Variants in GRIN2A observed in about 807,000 individuals in gnomAD.
GRIN2A encodes the protein glutamate ionotropic receptor NMDA type subunit 2A, also known as glutamate receptor ionotropic, NMDA 2A.
Under a neutral mutation model 113.4 loss-of-function variants are expected in GRIN2A, and 22 were observed. That is an observed-to-expected ratio of 0.19 (90% CI 0.14 to 0.28). The LOEUF (loss-of-function observed/expected upper bound fraction) is 0.28. Ranked by LOEUF, GRIN2A falls within the 10% of genes least tolerant of loss-of-function variation. GRIN2A has a pLI of 1.00. For missense variants in GRIN2A, 1,502 were observed against 1,887.0 expected (o/e 0.80, Z 3.78); for synonymous variants, 827 against 738.4 (o/e 1.12, Z -1.94).
At position 9,763,463 on chromosome 16, in the gene GRIN2A, G is replaced by T. The variant is rs797045606; in HGVS notation, c.4081C>A (p.His1361Asn). ...SKRSKSLLPD[H>N]TSDNPFLHSH... The stretch of plus-strand genomic sequence containing the variant: ...TGGAGGAAAGGGTTATCGGAGGTGT[G>T]GTCTGGCAAGAGAGACTTGCTCCTC... Residue 1361 changes from histidine (H) to asparagine (N), a missense_variant, in exon 13 of 13, where the codon CAC becomes AAC. Physicochemically the swap from His to Asn is moderately conservative, Grantham distance 68 (BLOSUM62 1). Coordinates refer to ENST00000330684, the MANE Select transcript of GRIN2A (RefSeq NM_001134407.3). 6.2e-7 allele frequency: 1 copy of T among 1,613,940 alleles called. No homozygotes were observed. Among genetic ancestry groups the T allele is most frequent in the East Asian group, 2.2e-5 (1 of 44,860 alleles).
At chr16:10,073,778 C>G (rs1360530120) in intron 2 of GRIN2A, among the ~76,000 whole-genome samples, 2 of 150,976 alleles carry the variant, frequency 1.3e-5, no homozygotes, top group African/African-American at 4.9e-5. Context: ...AGCCGGGCAA[C>G]AGTAGCACGT....
At chr16:9,802,974 T>C (rs1903456729) in intron 10 of GRIN2A, among the ~76,000 whole-genome samples, 1 of 152,080 alleles carries the variant, frequency 6.6e-6, no homozygotes, top group African/African-American at 2.4e-5. Flanking sequence ...AGTCTACTTT[T>C]GATCCGTTTT....
At chr16:10,108,122 A>G (rs539004725) in intron 2 of GRIN2A, among the ~76,000 whole-genome samples, 1 of 152,232 alleles carries the variant, frequency 6.6e-6, no homozygotes, top group Non-Finnish European at 1.5e-5. Context: ...CATGCTGCTG[A>G]TAAAGACATA....
At chr16:9,949,048 T>C (rs2045099880) in intron 2 of GRIN2A, among the ~76,000 whole-genome samples, 1 of 152,148 alleles carries the variant, frequency 6.6e-6, no homozygotes, top group Non-Finnish European at 1.5e-5. Flanking sequence ...AGGGGACTAA[T>C]GTGGGAGCTC....
chr16:9,925,997 T>G (rs1354329223), intron 3 of GRIN2A, among the ~76,000 whole-genome samples: 1 of 152,224 alleles, frequency 6.6e-6, no homozygotes, highest in Non-Finnish European at 1.5e-5. Flanking sequence ...TAATACGGGT[T>G]CCATCCGGCT....
intron 3 of GRIN2A, among the ~76,000 whole-genome samples, chr16:9,897,374 C>T (rs959475472): frequency 5.3e-5 from 8 of 151,980 alleles, no homozygotes; most frequent in Non-Finnish European, 1.5e-5. Flanking sequence ...TCAGAGATAA[C>T]ATTGAAAAAT....
intron 2 of GRIN2A, among the ~76,000 whole-genome samples, chr16:10,059,733 AAAAAC>A (rs2047518955): frequency 6.6e-6 from 1 of 151,756 alleles, no homozygotes; most frequent in African/African-American, 2.4e-5. Flanking sequence ...AAAAAAAAAA[AAAAAC>A]AAACAAGATT....
chr16:9,830,051 T>G (rs1316001590), intron 8 of GRIN2A, among the ~76,000 whole-genome samples: 1 of 152,210 alleles, frequency 6.6e-6, no homozygotes, highest in African/African-American at 2.4e-5. Flanking sequence ...ATTCATCGGA[T>G]GTGCTATCGT....
At chr16:9,888,892 G>A (rs1413141911) in intron 4 of GRIN2A, among the ~76,000 whole-genome samples, 1 of 151,770 alleles carries the variant, frequency 6.6e-6, no homozygotes, top group Admixed American at 6.6e-5. Flanking sequence ...CTGTTAATGT[G>A]GTAAATTAAT....
chr16:10,063,265 T>C (rs2047584701), intron 2 of GRIN2A, among the ~76,000 whole-genome samples: 1 of 152,208 alleles, frequency 6.6e-6, no homozygotes, highest in African/African-American at 2.4e-5. Flanking sequence ...TTGTGAACTA[T>C]GCTCACTACT....
At chr16:9,839,031 C>T (rs2042628011) in intron 7 of GRIN2A, among the ~76,000 whole-genome samples, 1 of 152,200 alleles carries the variant, frequency 6.6e-6, no homozygotes, top group African/African-American at 2.4e-5. Context: ...CCAAAAATCA[C>T]TTGTACCCCT....
At chr16:9,837,653 G>A (rs1365254780) in intron 7 of GRIN2A, among the ~76,000 whole-genome samples, 1 of 152,120 alleles carries the variant, frequency 6.6e-6, no homozygotes, top group Admixed American at 6.6e-5. Flanking sequence ...TCCTGCCAAA[G>A]AGTCTGAAAG....
chr16:9,971,032 C>T (rs2045659845), intron 2 of GRIN2A, among the ~76,000 whole-genome samples: 1 of 152,016 alleles, frequency 6.6e-6, no homozygotes, highest in Non-Finnish European at 1.5e-5. Context: ...GGCTAGAAGG[C>T]TATTTCAGGA....
intron 3 of GRIN2A, among the ~76,000 whole-genome samples, chr16:9,920,776 G>A (rs1378475822): frequency 6.6e-6 from 1 of 152,072 alleles, no homozygotes; most frequent in African/African-American, 2.4e-5. Context: ...ATGTTGGCCA[G>A]AAAGCTGACC....
intron 2 of GRIN2A, among the ~76,000 whole-genome samples, chr16:9,941,456 G>C (rs2044873286): frequency 6.6e-6 from 1 of 152,246 alleles, no homozygotes; most frequent in Non-Finnish European, 1.5e-5. Context: ...CCCAGAGCCA[G>C]CTCGGCACAG....
intron 2 of GRIN2A, among the ~76,000 whole-genome samples, chr16:10,166,577 T>G (rs1267636500): frequency 6.6e-6 from 1 of 152,206 alleles, no homozygotes; most frequent in Non-Finnish European, 1.5e-5. Context: ...TGCATTCCCA[T>G]GGTCCCGTGA....
Position 9,924,392 on chromosome 16 carries a change from C to T in GRIN2A, c.1007+13567G>A, listed in dbSNP as rs145574591. On this transcript the variant is annotated intron_variant, in intron 3 of 12. Transcript: ENST00000330684. The stretch of plus-strand genomic sequence containing the variant: ...ATTGTTTTCTTTCAGTACAAAATAT[C>T]TTTCTGCATTCTTTTCTAACCTGTA... 3.2e-3 allele frequency among the ~76,000 whole-genome samples: 485 copies of T among 152,260 alleles called. 4 individuals carry two copies. The highest frequency in any genetic ancestry group is 0.011 in the African/African-American group (460 of 41,560).
chr16:10,156,513 C>T (rs1398226185), intron 2 of GRIN2A, among the ~76,000 whole-genome samples: 1 of 152,136 alleles, frequency 6.6e-6, no homozygotes, highest in Admixed American at 6.5e-5. Context: ...TTTCAACCCA[C>T]GTATACTGGG....
intron 2 of GRIN2A, among the ~76,000 whole-genome samples, chr16:9,997,862 G>A (rs925074666): frequency 1.3e-5 from 2 of 152,158 alleles, no homozygotes; most frequent in East Asian, 1.9e-4. Flanking sequence ...TGTAAGACAT[G>A]CCTTTGTTCC....
Sources: gnomAD v4.1 joint callset for allele counts (sites outside exome capture counted in the v4.1 genomes callset) on GRCh38, gnomAD v4.1.1 for gene constraint, MANE v1.5 for transcripts, NCBI Gene and HGNC (gene_info 2026-07-23, HGNC 2026-07-21) for gene names.